Variants in CACNA1E observed in about 807,000 individuals in gnomAD.
CACNA1E encodes calcium voltage-gated channel subunit alpha1 E.
A neutral mutation model predicts 259.2 loss-of-function variants in CACNA1E; 40 were observed. The ratio of observed to expected loss-of-function variants is 0.15; its 90% confidence interval spans 0.12 to 0.20. CACNA1E has a LOEUF of 0.20. CACNA1E is among the 10% of genes least tolerant of loss of function. The probability of loss-of-function intolerance (pLI) is 1.00; values close to 1 mark genes in which losing one functional copy is unlikely to be tolerated. For missense variants in CACNA1E, 1,874 were observed against 3,040.1 expected (o/e 0.62, Z 9.02); for synonymous variants, 1,104 against 1,138.5 (o/e 0.97, Z 0.61).
chr1:181,548,509 T>C (rs1438658324), intron 3 of CACNA1E, among the ~76,000 whole-genome samples: 1 of 152,248 alleles, frequency 6.6e-6, no homozygotes, highest in East Asian at 1.9e-4. Context: ...CCTATGTTTC[T>C]GGGGACAATA....
At chr1:181,404,485 A>C (rs74127784) in intron 1 of CACNA1E, among the ~76,000 whole-genome samples, 1,752 of 152,308 alleles carry the variant, frequency 0.012, 40 homozygotes, top group African/African-American at 0.04. Context: ...AAAGCAGGTT[A>C]ATTATAACAT....
chr1:181,512,182 G>A (rs531099799), intron 3 of CACNA1E, among the ~76,000 whole-genome samples: 3 of 152,368 alleles, frequency 2.0e-5, no homozygotes, highest in Admixed American at 2.0e-4. Flanking sequence ...AATGAATATA[G>A]TATGAGGAAG....
At chr1:181,637,740 G>A (rs1289311021) in intron 6 of CACNA1E, among the ~76,000 whole-genome samples, 4 of 152,076 alleles carry the variant, frequency 2.6e-5, no homozygotes, top group Non-Finnish European at 5.9e-5. Flanking sequence ...GCAGTTAAGT[G>A]GTATGGTGGA....
chr1:181,681,314 C>A (rs1483715944), intron 7 of CACNA1E, among the ~76,000 whole-genome samples: 4 of 152,216 alleles, frequency 2.6e-5, no homozygotes, highest in African/African-American at 9.6e-5. Context: ...AAATGAAGTA[C>A]TTCAAGCTTA....
At chr1:181,441,806 T>TG (rs1456370735) in intron 2 of CACNA1E, among the ~76,000 whole-genome samples, 2 of 152,222 alleles carry the variant, frequency 1.3e-5, no homozygotes, top group Non-Finnish European at 2.9e-5. Flanking sequence ...TTGTGTCTTT[T>TG]TAGCCTGATT....
intron 38 of CACNA1E, among the ~76,000 whole-genome samples, chr1:181,777,299 T>C (rs1388218065): frequency 6.6e-6 from 1 of 152,124 alleles, no homozygotes; most frequent in Non-Finnish European, 1.5e-5. Flanking sequence ...CTCTGAAAAA[T>C]ACTACAAGAA....
At chr1:181,355,131 G>A (rs539253833) in intron 1 of CACNA1E, among the ~76,000 whole-genome samples, 12 of 152,268 alleles carry the variant, frequency 7.9e-5, no homozygotes, top group African/African-American at 2.4e-4. Context: ...GGCGGGGCCC[G>A]TCTGCTTGCC....
chr1:181,577,845 T>C lies in CACNA1E; in HGVS notation c.592T>C (p.Leu198=), dbSNP rs1428306417. 1.2e-6 allele frequency: 2 copies of C among 1,610,848 alleles called. No homozygotes were observed. Among genetic ancestry groups the C allele is most frequent in the Non-Finnish European group, 1.7e-6 (2 of 1,178,418 alleles). The change falls in exon 4 of 48, where the codon TTG becomes CTG. Residue 198 remains leucine (L), a synonymous_variant. Coordinates refer to ENST00000367573, the MANE Select transcript of CACNA1E (RefSeq NM_001205293.3). ...TLRAVRVLRP[L]KLVSGIPSLQ... ...CCGGGCTGTGCGTGTCCTGCGGCCT[T>C]TGAAGCTCGTGTCAGGGATACCTAG... is the stretch of plus-strand genomic sequence containing the variant.
At chr1:181,322,856 G>A (rs765434982) in intron 1 of CACNA1E, among the ~76,000 whole-genome samples, 3 of 152,288 alleles carry the variant, frequency 2.0e-5, no homozygotes, top group Admixed American at 6.5e-5. Context: ...CTCAGTACAG[G>A]ATTGGTAGTG....
At chr1:181,490,319 G>A (rs1180449145) in intron 1 of CACNA1E, among the ~76,000 whole-genome samples, 1 of 151,618 alleles carries the variant, frequency 6.6e-6, no homozygotes, top group Non-Finnish European at 1.5e-5. Context: ...TTCCTTTATT[G>A]TATCTTGAGC....
upstream of CACNA1E, among the ~76,000 whole-genome samples, chr1:181,482,829 C>G (rs867413723): frequency 4.0e-5 from 6 of 151,640 alleles, no homozygotes; most frequent in South Asian, 1.2e-3. Flanking sequence ...CCCGCCCGCT[C>G]GCACTCCCGC....
At chr1:181,523,573 A>G (rs531909501) in intron 3 of CACNA1E, among the ~76,000 whole-genome samples, 29 of 152,304 alleles carry the variant, frequency 1.9e-4, no homozygotes, top group African/African-American at 6.7e-4. Flanking sequence ...TTAAGTCTCA[A>G]TGTCTCCATC....
chr1:181,733,084 G>T (rs911757260), intron 20 of CACNA1E, 50 bp downstream of exon 20: 2 of 1,497,300 alleles, frequency 1.3e-6, no homozygotes, highest in African/African-American at 2.8e-5. Context: ...GCTGCTGTTA[G>T]GTGTTCCTCA....
intron 6 of CACNA1E, among the ~76,000 whole-genome samples, chr1:181,581,704 T>G (rs1651561978): frequency 6.6e-6 from 1 of 152,180 alleles, no homozygotes; most frequent in Non-Finnish European, 1.5e-5. Context: ...GGTATGTGGT[T>G]TGATGTACAT....
intron 6 of CACNA1E, among the ~76,000 whole-genome samples, chr1:181,607,228 T>C (rs1654321904): frequency 6.6e-6 from 1 of 152,198 alleles, no homozygotes; most frequent in African/African-American, 2.4e-5. Flanking sequence ...CAGGGTGGGA[T>C]GTTCTAAAAG....
chr1:181,785,477 A>G, intron 42 of CACNA1E, 59 bp downstream of exon 42: 1 of 1,195,050 alleles, frequency 8.4e-7, no homozygotes, highest in South Asian at 1.3e-5. Flanking sequence ...AGGAGGGAAT[A>G]GGCCTGTGCC....
chr1:181,647,895 T>A (rs1267119313), intron 6 of CACNA1E, among the ~76,000 whole-genome samples: 1 of 151,986 alleles, frequency 6.6e-6, no homozygotes, highest in East Asian at 1.9e-4. Flanking sequence ...AGGAGCAAGG[T>A]GTGGAGAAGG....
intron 6 of CACNA1E, among the ~76,000 whole-genome samples, chr1:181,608,773 T>C (rs1349709894): frequency 6.6e-6 from 1 of 152,206 alleles, no homozygotes; most frequent in Non-Finnish European, 1.5e-5. Flanking sequence ...ACCCGTGCTT[T>C]TCTGTTCTTT....
chr1:181,654,886 A>T (rs1659070086), intron 7 of CACNA1E, among the ~76,000 whole-genome samples: 1 of 150,204 alleles, frequency 6.7e-6, no homozygotes, highest in Admixed American at 6.7e-5. Context: ...CGAGAGGCTG[A>T]GGCAGGAGAA....
Sources: allele counts gnomAD v4.1 joint callset (sites outside exome capture counted in the v4.1 genomes callset), GRCh38; gene constraint gnomAD v4.1.1; transcripts MANE v1.5; gene names NCBI Gene and HGNC (gene_info 2026-07-23, HGNC 2026-07-21).